The following SMG5 variants were observed in gnomAD, a reference collection of about 807,000 sequenced individuals.
SMG5 encodes the protein nonsense-mediated mRNA decay factor SMG5.
Under a neutral mutation model 122.9 loss-of-function variants are expected in SMG5, and 53 were observed. The observed-to-expected ratio is 0.43, with a 90% CI of 0.35 to 0.54. SMG5 has a LOEUF of 0.54. SMG5 is among the 20% of genes least tolerant of loss of function. SMG5 has a pLI of 0.01. For missense variants in SMG5, 1,153 were observed against 1,285.6 expected (o/e 0.90, Z 1.58); for synonymous variants, 477 against 490.2 (o/e 0.97, Z 0.35).
chr1:156,252,528 C>T lies in SMG5; in HGVS notation c.2663-24G>A, dbSNP rs569680122. 4.6e-4 allele frequency: 736 copies of T among 1,611,132 alleles called. 9 individuals are homozygous for T. The South Asian group carries it at 7.7e-3, about 17-fold the overall frequency. On this transcript the variant is annotated intron_variant, in intron 18 of 21. Coordinates refer to ENST00000361813, the MANE Select transcript of SMG5 (RefSeq NM_015327.3). Reference sequence around the variant, plus strand: ...CACTGGTGGGCAAGGTAGGGAAAGACAAAACAGATAAGCTCAGACTGCTGT... The same window carrying T: ...CACTGGTGGGCAAGGTAGGGAAAGATAAAACAGATAAGCTCAGACTGCTGT...
At position 156,282,749 on chromosome 1, in the gene SMG5, G is replaced by A. The variant is rs1663022803; in HGVS notation, c.-69C>T. The A allele has an allele frequency of 4.7e-6, 7 of 1,477,322 alleles. No individual in the cohort carries two copies. The highest frequency in any genetic ancestry group is 6.3e-6 in the Non-Finnish European group (7 of 1,104,186). 91.5% of individuals were successfully genotyped at this position (1,477,322 alleles called of 1,614,324 possible). A position where few individuals can be genotyped will look rare whatever the true frequency, so the allele number is the denominator to read the frequency against. ...ACCCACCACTACCGCCAACACTGCC[G>A]TCTCCGGCCGTAGCCGCAGCCGCCG... On this transcript the variant is annotated 5_prime_UTR_variant, in exon 1 of 22. In the 5' UTR this introduces an upstream ATG that the reference lacks. Transcript: ENST00000361813.
intron 15 of SMG5, among the ~76,000 whole-genome samples, chr1:156,260,023 G>A (rs1299083425): frequency 6.6e-6 from 1 of 152,174 alleles, no homozygotes; most frequent in Non-Finnish European, 1.5e-5. Flanking sequence ...ATGTGGTGAT[G>A]GAGATTTAAG....
At chr1:156,285,523 A>G (rs553983602), upstream of SMG5, 5 of 1,614,188 alleles carry the variant, frequency 3.1e-6, no homozygotes, top group Admixed American at 1.7e-5. Context: ...ACATTGAACC[A>G]GAGCCCCCTG....
Position 156,282,625 on chromosome 1 carries a change from T to G in SMG5, c.56A>C (p.His19Pro). ...CTCTCACCGGTAAAGCCGCTTAGTG[T>G]GGAGGACTTTTGCTTCGGGCTCGCT... ...ESSEPEAKVL[H>P]TKRLYRAVVE... Residue 19 changes from histidine to proline, a missense_variant, in exon 1 of 22, where the codon CAC becomes CCC. By Grantham distance (77) the His-to-Pro change is moderately conservative. This residue lies in a region of SMG5 where 213 missense variants were observed against 197.5 expected (regional missense o/e 1.08). Transcript: ENST00000361813. 6.2e-7 allele frequency: 1 copy of G among 1,608,930 alleles called. No individual in the cohort carries two copies. Among genetic ancestry groups the G allele is most frequent in the African/African-American group, 1.3e-5 (1 of 75,020 alleles).
At chr1:156,268,219 G>T (rs1338687830) in intron 8 of SMG5, 36 bp from the exon 9 acceptor site, 2 of 1,613,984 alleles carry the variant, frequency 1.2e-6, no homozygotes, top group Non-Finnish European at 1.7e-6. Flanking sequence ...ATGCTGAATG[G>T]TCCCGCAGTC....
chr1:156,273,092 CAA>C (rs1344143857), intron 6 of SMG5, among the ~76,000 whole-genome samples: 2 of 152,170 alleles, frequency 1.3e-5, no homozygotes, highest in Non-Finnish European at 2.9e-5. Context: ...TCTCTTTCTA[CAA>C]GAGACCTCAG....
At chr1:156,261,146 T>C (rs971032333) in intron 14 of SMG5, among the ~76,000 whole-genome samples, 187 bp downstream of exon 14, 4 of 152,318 alleles carry the variant, frequency 2.6e-5, no homozygotes, top group African/African-American at 9.6e-5. Context: ...CTGCCCACAA[T>C]ACAGCAGTGT....
At chr1:156,267,699 CAG>C (rs1662217599) in intron 9 of SMG5, 21 bp from the exon 10 acceptor site, 5 of 1,587,860 alleles carry the variant, frequency 3.1e-6, no homozygotes, top group Non-Finnish European at 3.4e-6. Flanking sequence ...GCAGGAGTAA[CAG>C]GGGAGGTCAG....
chr1:156,255,030 G>C (rs936043621), intron 16 of SMG5, among the ~76,000 whole-genome samples: 2 of 151,780 alleles, frequency 1.3e-5, no homozygotes, highest in Non-Finnish European at 2.9e-5. Context: ...AGCAAAGGTT[G>C]CAGTGAGCCG....
chr1:156,273,279 T>C, intron 6 of SMG5, 82 bp downstream of exon 6: 1 of 1,122,582 alleles, frequency 8.9e-7, no homozygotes, highest in South Asian at 1.2e-5. Context: ...AAAATGAGTA[T>C]GAACTGCCTG....
chr1:156,266,019 C>T lies in SMG5; in HGVS notation c.1617G>A (p.Leu539=), dbSNP rs759804332. 1 of 1,614,224 alleles carries T rather than the reference C, an allele frequency of 6.2e-7. No individual in the cohort carries two copies. Among genetic ancestry groups the T allele is most frequent in the Admixed American group, 1.7e-5 (1 of 60,020 alleles). ...EEEEGTRSPT[L]EPPRGRSEAP... ...CCTCTGATCTGCCCCGAGGGGGCTC[C>T]AGGGTTGGTGACCGTGTCCCCTCCT... is the stretch of plus-strand genomic sequence containing the variant. The change falls in exon 12 of 22, where the codon CTG becomes CTA. Residue 539 remains leucine (L), a synonymous_variant. Coordinates refer to ENST00000361813, the MANE Select transcript of SMG5 (RefSeq NM_015327.3).
intron 3 of SMG5, among the ~76,000 whole-genome samples, chr1:156,277,511 CT>C (rs550751703): frequency 0.031 from 4,059 of 133,014 alleles, 165 homozygotes; most frequent in African/African-American, 0.11. Flanking sequence ...TTTCTGCTGT[CT>C]TTTTTTTTTT....
chr1:156,287,606 C>CTTTTTTT (rs745468403), upstream of SMG5, among the ~76,000 whole-genome samples: 2 of 72,640 alleles, frequency 2.8e-5, no homozygotes, highest in Admixed American at 2.1e-4. Flanking sequence ...TTACTCTCCA[C>CTTTTTTT]TTTTTTTTTT....
Position 156,260,639 on chromosome 1 carries a change from A to T in SMG5, c.2108-13T>A. 1 of 1,487,230 alleles carries T rather than the reference A, an allele frequency of 6.7e-7. No individual in the cohort carries two copies. Among genetic ancestry groups the T allele is most frequent in the Admixed American group, 2.5e-5 (1 of 39,350 alleles). The allele number at this position is 1,487,230 out of a possible 1,614,324, so 92.1% of individuals were successfully genotyped here. On this transcript the variant is annotated splice_polypyrimidine_tract_variant and intron_variant, in intron 14 of 21. Coordinates refer to ENST00000361813, the MANE Select transcript of SMG5 (RefSeq NM_015327.3). ...CACAAGGCCAGGCCTGGGCAGAAGAAGGACACATAAGACCATCTGTCCTGT... is the reference window on the plus strand; with the variant it reads ...CACAAGGCCAGGCCTGGGCAGAAGATGGACACATAAGACCATCTGTCCTGT...
chr1:156,273,721 T>TC (rs1363772699), intron 5 of SMG5, among the ~76,000 whole-genome samples: 10 of 88,662 alleles, frequency 1.1e-4, no homozygotes, highest in African/African-American at 2.7e-4. Context: ...TTGTTTTCTT[T>TC]TTTTTTTTTT....
At chr1:156,276,949 T>C in intron 4 of SMG5, 136 bp downstream of exon 4, 1 of 844,428 alleles carries the variant, frequency 1.2e-6, no homozygotes, top group South Asian at 1.9e-5. Context: ...AATCCAAACT[T>C]CATAAACCAT....
chr1:156,272,573 C>T (rs1246873221), intron 6 of SMG5, among the ~76,000 whole-genome samples, 175 bp from the exon 7 acceptor site: 1 of 151,570 alleles, frequency 6.6e-6, no homozygotes, highest in Non-Finnish European at 1.5e-5. Context: ...GATTACTGAC[C>T]TCTTCTTTTT....
At chr1:156,272,442 A>C in intron 6 of SMG5, 44 bp from the exon 7 acceptor site, 19 of 1,524,350 alleles carry the variant, frequency 1.2e-5, no homozygotes, top group Middle Eastern at 1.7e-4. Context: ...CACAATACTC[A>C]TTCAAAGCTG....
chr1:156,279,687 C>T (rs1173655198), intron 1 of SMG5, among the ~76,000 whole-genome samples: 1 of 151,964 alleles, frequency 6.6e-6, no homozygotes, highest in Non-Finnish European at 1.5e-5. Context: ...TTACATAAGG[C>T]CTTATTATCC....
Sources: allele counts gnomAD v4.1 joint callset (sites outside exome capture counted in the v4.1 genomes callset), GRCh38; gene constraint gnomAD v4.1.1; regional missense constraint gnomAD v4.1.1; transcripts MANE v1.5; gene names NCBI Gene and HGNC (gene_info 2026-07-23, HGNC 2026-07-21).